The following CACNB2 variants were observed in gnomAD, a reference collection of about 807,000 sequenced individuals.
CACNB2 encodes calcium voltage-gated channel auxiliary subunit beta 2, also known as voltage-dependent L-type calcium channel subunit beta-2.
In CACNB2, 42 loss-of-function variants were observed where a neutral mutation model predicts 73.3. That is an observed-to-expected ratio of 0.57 (90% confidence interval 0.45 to 0.74). The LOEUF (loss-of-function observed/expected upper bound fraction) is 0.74, where lower values mean the gene tolerates loss of function less well. CACNB2 is among the 30% of genes least tolerant of loss of function. CACNB2 has a pLI of 0.00. For missense variants in CACNB2, 940 were observed against 853.0 expected (o/e 1.10, Z -1.27); for synonymous variants, 348 against 310.3 (o/e 1.12, Z -1.28).
intron 2 of CACNB2, among the ~76,000 whole-genome samples, chr10:18,220,987 A>C (rs916362787): frequency 1.3e-5 from 2 of 152,116 alleles, no homozygotes; most frequent in African/African-American, 4.8e-5. Context: ...TTTATAGAAA[A>C]ATACAAATAC....
At chr10:18,206,733 T>C (rs1355276220) in intron 2 of CACNB2, 3 of 152,362 alleles carry the variant, frequency 2.0e-5, no homozygotes, top group African/African-American at 7.2e-5. Flanking sequence ...GCAGTAGTGG[T>C]GCCTTCTGCA....
At chr10:18,185,739 C>A (rs1472176357) in intron 2 of CACNB2, among the ~76,000 whole-genome samples, 1 of 152,074 alleles carries the variant, frequency 6.6e-6, no homozygotes, top group African/African-American at 2.4e-5. Context: ...ATTTGCGTAG[C>A]TTTCTTTGCA....
intron 2 of CACNB2, chr10:18,261,184 A>C (rs112037071): frequency 1.4e-5 from 21 of 1,548,804 alleles, no homozygotes; most frequent in Middle Eastern, 2.2e-4. Context: ...AGAAGGTGGG[A>C]AGAAATGGAC....
chr10:18,468,138 A>G (rs1410080302), intron 3 of CACNB2, among the ~76,000 whole-genome samples: 2 of 152,102 alleles, frequency 1.3e-5, no homozygotes, highest in African/African-American at 4.8e-5. Context: ...GTGCTCAAAC[A>G]CCAATTTTTC....
At chr10:18,477,588 A>ATC (rs2048503356) in intron 3 of CACNB2, among the ~76,000 whole-genome samples, 2 of 152,218 alleles carry the variant, frequency 1.3e-5, no homozygotes, top group South Asian at 4.1e-4. Flanking sequence ...GGAGAAAAGA[A>ATC]CATGGAATCA....
chr10:18,295,645 A>G (rs532296658), intron 2 of CACNB2, among the ~76,000 whole-genome samples: 10 of 152,360 alleles, frequency 6.6e-5, no homozygotes, highest in African/African-American at 2.2e-4. Flanking sequence ...GGGAAGCTGT[A>G]AAGAACATAA....
At chr10:18,348,134 A>T (rs909813675) in intron 2 of CACNB2, among the ~76,000 whole-genome samples, 1 of 152,208 alleles carries the variant, frequency 6.6e-6, no homozygotes, top group Non-Finnish European at 1.5e-5. Flanking sequence ...GCCTCTGTTG[A>T]CGAAATTGCC....
At chr10:18,220,224 T>TGGGGGGG (rs2035710290) in intron 2 of CACNB2, among the ~76,000 whole-genome samples, 1 of 48,040 alleles carries the variant, frequency 2.1e-5, no homozygotes, top group African/African-American at 1.8e-4. Flanking sequence ...TATATATATA[T>TGGGGGGG]ATATATATAG....
intron 2 of CACNB2, among the ~76,000 whole-genome samples, chr10:18,352,516 A>G (rs1429961136): frequency 6.6e-6 from 1 of 152,236 alleles, no homozygotes; most frequent in Admixed American, 6.5e-5. Flanking sequence ...AGCAAGTAAC[A>G]TGGTTTAAAA....
chr10:18,267,752 G>C (rs1363053653), intron 2 of CACNB2, among the ~76,000 whole-genome samples: 1 of 152,210 alleles, frequency 6.6e-6, no homozygotes, highest in East Asian at 1.9e-4. Flanking sequence ...GCATGTTCAG[G>C]GTCATGGGAC....
chr10:18,456,219 C>T (rs1429874024), intron 3 of CACNB2, among the ~76,000 whole-genome samples: 6 of 152,100 alleles, frequency 3.9e-5, no homozygotes, highest in Non-Finnish European at 5.9e-5. Flanking sequence ...ACCTGTGATC[C>T]CAGCACTTTG....
At chr10:18,484,882 C>A (rs1398169781) in intron 3 of CACNB2, among the ~76,000 whole-genome samples, 6 of 152,180 alleles carry the variant, frequency 3.9e-5, no homozygotes, top group Admixed American at 3.3e-4. Flanking sequence ...TGGCTGGGCG[C>A]GATGGCTCAC....
intron 2 of CACNB2, among the ~76,000 whole-genome samples, chr10:18,301,576 C>G (rs1234934066): frequency 6.6e-6 from 1 of 151,712 alleles, no homozygotes; most frequent in East Asian, 1.9e-4. Flanking sequence ...GCCTGGGTAA[C>G]AGAGCGAGAT....
Position 18,498,407 on chromosome 10 carries a change from A to G in CACNB2, c.386A>G (p.His129Arg). ...VRTNVSYSAA[H>R]EDDVPVPGMA... ...ACAAATGTCAGCTACAGTGCGGCCCATGAAGATGATGTTCCAGTGCCTGGC... is the reference window on the plus strand; with the variant it reads ...ACAAATGTCAGCTACAGTGCGGCCCGTGAAGATGATGTTCCAGTGCCTGGC... The change falls in exon 4 of 14, where the codon CAT becomes CGT. Residue 129 changes from histidine (H) to arginine (R), a missense_variant. Coordinates refer to ENST00000324631, the MANE Select transcript of CACNB2 (RefSeq NM_201596.3). 2.5e-6 allele frequency: 4 copies of G among 1,614,168 alleles called. No homozygotes were observed. The highest frequency in any genetic ancestry group is 1.7e-6 in the Non-Finnish European group (2 of 1,179,992).
chr10:18,233,937 G>A (rs2036324277), intron 2 of CACNB2, among the ~76,000 whole-genome samples: 1 of 152,208 alleles, frequency 6.6e-6, no homozygotes, highest in Non-Finnish European at 1.5e-5. Context: ...TCTCCAGTAT[G>A]TTCCTGCTCA....
At chr10:18,389,555 C>T (rs1456616141) in intron 2 of CACNB2, among the ~76,000 whole-genome samples, 2 of 152,168 alleles carry the variant, frequency 1.3e-5, no homozygotes, top group African/African-American at 4.8e-5. Flanking sequence ...TGCCTGTAAT[C>T]ATCTTTAGTC....
At chr10:18,303,528 A>C (rs2039610677) in intron 2 of CACNB2, among the ~76,000 whole-genome samples, 1 of 152,148 alleles carries the variant, frequency 6.6e-6, no homozygotes. Flanking sequence ...ATTAAAAAAA[A>C]GGGAGAAAAA....
chr10:18,498,853 A>G, intron 4 of CACNB2: 2 of 259,028 alleles, frequency 7.7e-6, no homozygotes. Context: ...AATAATATCT[A>G]GAATTCATGA....
intron 2 of CACNB2, among the ~76,000 whole-genome samples, chr10:18,166,191 A>G (rs2032838071): frequency 6.6e-6 from 1 of 152,214 alleles, no homozygotes; most frequent in South Asian, 2.1e-4. Flanking sequence ...ACAGTGACAA[A>G]TCTTAAAAAT....
Sources: allele counts gnomAD v4.1 joint callset (sites outside exome capture counted in the v4.1 genomes callset), GRCh38; gene constraint gnomAD v4.1.1; transcripts MANE v1.5; gene names NCBI Gene and HGNC (gene_info 2026-07-23, HGNC 2026-07-21).